LAMA5: variants seen among roughly 807,000 people sequenced by gnomAD.
The protein encoded by LAMA5 is laminin subunit alpha-5.
LAMA5 carries 260 observed loss-of-function variants against 433.4 expected under a neutral mutation model. The ratio of observed to expected loss-of-function variants is 0.60; its 90% CI spans 0.54 to 0.66. The LOEUF (loss-of-function observed/expected upper bound fraction) is 0.66. LAMA5 is among the 30% of genes least tolerant of loss of function. The pLI is 0.00. For missense variants in LAMA5, 5,378 were observed against 5,258.5 expected, an observed-to-expected ratio of 1.02 and a Z score of -0.70; for synonymous variants, 2,620 against 2,226.6, an observed-to-expected ratio of 1.18 and a Z score of -4.97.
intron 48 of LAMA5, among the ~76,000 whole-genome samples, chr20:62,321,240 T>G (rs1026765049): frequency 3.2e-4 from 1 of 3,164 alleles, no homozygotes. Context: ...GCGGGGCCTG[T>G]GGAGGGGTGG....
In LAMA5 at chr20:62,314,333, C is replaced by T. The variant is rs369329548; in HGVS notation, c.8475G>A (p.Gly2825=). 1 of 1,613,158 alleles carries T rather than the reference C, an allele frequency of 6.2e-7. No homozygotes were observed. The highest frequency in any genetic ancestry group is 8.5e-7 in the Non-Finnish European group (1 of 1,179,896). The part of the protein sequence containing the change: ...PAVLSIDEDI[G]EQFAAVSLDR... ...CCAGGCTGACAGCTGCGAACTGCTC[C>T]CCAATGTCCTCATCGATGCTTAGGA... The change falls in exon 62 of 80, where the codon GGG becomes GGA. Residue 2825 remains glycine (G), a synonymous_variant. Coordinates refer to ENST00000252999, the MANE Select transcript of LAMA5 (RefSeq NM_005560.6).
At chr20:62,343,293 C>T (rs1001012431) in intron 11 of LAMA5, among the ~76,000 whole-genome samples, 2 of 152,136 alleles carry the variant, frequency 1.3e-5, no homozygotes, top group Non-Finnish European at 2.9e-5. Context: ...AAAAAACCAT[C>T]ACAGAACCAG....
At chr20:62,326,376 G>A (rs768817893) in intron 40 of LAMA5, 3 of 315,276 alleles carry the variant, frequency 9.5e-6, no homozygotes, top group Non-Finnish European at 1.8e-5. Context: ...AAAGAGAAAT[G>A]GGCAAAAGAT....
At position 62,316,986 on chromosome 20, in the gene LAMA5, T is replaced by C; in HGVS notation, c.7549A>G (p.Arg2517Gly). Residue 2517 changes from arginine (R) to glycine (G), a missense_variant, in exon 56 of 80, where the codon AGG becomes GGG. Arg to Gly is a moderately radical substitution (Grantham distance 125). Transcript: ENST00000252999. ...TAGGCGTTGGAGGCCTCGATGGCCC[T>C]CTGGGTGAGGCGGTCCTGGTTGACG... ...LDVNQDRLTQRAIEASNAYSR... is the reference protein window; with the variant it reads ...LDVNQDRLTQGAIEASNAYSR... 1 of 1,557,316 alleles carries C rather than the reference T, an allele frequency of 6.4e-7. No homozygotes were observed. Among genetic ancestry groups the C allele is most frequent in the Admixed American group, 1.9e-5 (1 of 52,690 alleles).
chr20:62,319,985 A>G (rs992484309), intron 50 of LAMA5, among the ~76,000 whole-genome samples, 190 bp from the exon 51 acceptor site: 2 of 152,118 alleles, frequency 1.3e-5, no homozygotes, highest in African/African-American at 4.8e-5. Flanking sequence ...ATAACTTGCC[A>G]TTTGTTATTT....
At chr20:62,345,943 C>A (rs1421270494) in intron 10 of LAMA5, 66 bp from the exon 11 acceptor site, 5 of 1,559,034 alleles carry the variant, frequency 3.2e-6, no homozygotes, top group Non-Finnish European at 4.4e-6. Context: ...CACCCCCTGC[C>A]ACCCTTGGTC....
chr20:62,351,428 C>T (rs950441971), intron 6 of LAMA5, among the ~76,000 whole-genome samples: 27 of 152,282 alleles, frequency 1.8e-4, no homozygotes, highest in Admixed American at 1.2e-3. Context: ...CCTGGGGGTC[C>T]GGAGAGCCCC....
At chr20:62,332,093 C>G (rs571403986) in intron 28 of LAMA5, among the ~76,000 whole-genome samples, 4 of 152,132 alleles carry the variant, frequency 2.6e-5, no homozygotes, top group Non-Finnish European at 5.9e-5. Flanking sequence ...AACAGGCAAC[C>G]AACGCTGTCT....
Position 62,327,320 on chromosome 20 carries a change from A to G in LAMA5, c.5025T>C (p.Arg1675=). The G allele has an allele frequency of 6.2e-7, 1 of 1,601,244 alleles. No individual in the cohort carries two copies. Among genetic ancestry groups the G allele is most frequent in the South Asian group, 1.1e-5 (1 of 89,432 alleles). Residue 1675 remains arginine, a synonymous_variant, in exon 38 of 80, where the codon CGT becomes CGC. Coordinates refer to ENST00000252999, the MANE Select transcript of LAMA5 (RefSeq NM_005560.6). ...CCTCAGGCACGTGCCGCAGGTCTGC[A>G]CGGAGCATCTCCGTCCCTGGCTGCC... The part of the protein sequence containing the change: ...HERQPGTEML[R]ADLRHVPEAV...
chr20:62,338,179 G>A (rs188060317), intron 13 of LAMA5, 29 bp from the exon 14 acceptor site: 5 of 1,568,922 alleles, frequency 3.2e-6, no homozygotes, highest in African/African-American at 2.7e-5. Flanking sequence ...GTCACGGTAG[G>A]CCAGGCCCAC....
intron 11 of LAMA5, among the ~76,000 whole-genome samples, chr20:62,344,143 T>TCA (rs1412529261): frequency 3.8e-5 from 1 of 26,090 alleles, no homozygotes; most frequent in African/African-American, 8.8e-5. Context: ...AAACTCCATC[T>TCA]CAAAAAAAAA....
Position 62,324,935 on chromosome 20 carries a change from C to T in LAMA5, c.5529+381G>A, listed in dbSNP as rs978921943. On this transcript the variant is annotated intron_variant, in intron 41 of 79. Coordinates refer to ENST00000252999, the MANE Select transcript of LAMA5 (RefSeq NM_005560.6). This position sits in a 1 kb window ranked among gnomAD's most constrained non-coding sequence, Gnocchi z 4.4. ...AAGTTACAGCAGACAGACAGATTAG[C>T]AGGGCAGATTAGCAGCTGGACAGAC... is the stretch of plus-strand genomic sequence containing the variant. The T allele has an allele frequency of 7.8e-5, 30 of 383,790 alleles. No individual in the cohort carries two copies. The highest frequency in any genetic ancestry group is 2.5e-4 in the Admixed American group (6 of 24,036). The allele number at this position is 383,790 out of a possible 1,614,324, so 23.8% of individuals were successfully genotyped here.
At position 62,313,248 on chromosome 20, in the gene LAMA5, G is replaced by C; in HGVS notation, c.8795C>G (p.Ser2932Cys). The change falls in exon 65 of 80, where the codon TCC becomes TGC. Residue 2932 changes from serine to cysteine, a missense_variant and splice_region_variant. Transcript: ENST00000252999. ...DTAVDRPCAR[S>C]KSTGDPWLTD... is the part of the protein sequence containing the mutation. ...GAGCCACGGGTCCCCGGTCGACTTG[G>C]AGCTGCAGGTCGGAGATTCTGGGGT... 6.5e-7 allele frequency: 1 copy of C among 1,541,162 alleles called. No individual in the cohort carries two copies. The highest frequency in any genetic ancestry group is 8.7e-7 in the Non-Finnish European group (1 of 1,145,526).
At chr20:62,344,358 A>G (rs1234451177) in intron 11 of LAMA5, among the ~76,000 whole-genome samples, 1 of 152,044 alleles carries the variant, frequency 6.6e-6, no homozygotes, top group East Asian at 1.9e-4. Context: ...TTTTTTGTCT[A>G]TCAAGCCAAG....
Position 62,310,080 on chromosome 20 carries a change from A to G in LAMA5, c.10736T>C (p.Val3579Ala). Residue 3579 changes from valine (V) to alanine (A), a missense_variant and splice_region_variant, in exon 78 of 80, where the codon GTC becomes GCC. Coordinates refer to ENST00000252999, the MANE Select transcript of LAMA5 (RefSeq NM_005560.6). ...TGCTCCGTCATCCGCCCGCAGCAGG[A>G]CCTGGCGGGGTAGGAAGGGAGGGTC... is the stretch of plus-strand genomic sequence containing the variant. ...YLQLQVTEKQ[V>A]LLRADDGAGE... 1 of 1,610,452 alleles carries G rather than the reference A, an allele frequency of 6.2e-7. No homozygotes were observed. Among genetic ancestry groups the G allele is most frequent in the Non-Finnish European group, 8.5e-7 (1 of 1,179,314 alleles).
At chr20:62,333,841 G>GGTGGC in intron 23 of LAMA5, 60 bp downstream of exon 23, 1 of 1,457,100 alleles carries the variant, frequency 6.9e-7, no homozygotes, top group Non-Finnish European at 9.3e-7. Flanking sequence ...TTGGGAGTGG[G>GGTGGC]GTGGGGTGGG....
Position 62,312,229 on chromosome 20 carries a change from C to T in LAMA5, c.9448G>A (p.Gly3150Ser), listed in dbSNP as rs559318635. 399 of 1,610,644 alleles carry T rather than the reference C, an allele frequency of 2.5e-4. 7 individuals are homozygous for T. The South Asian group carries it at 3.3e-3, about 13-fold the overall frequency. The change falls in exon 69 of 80, where the codon GGC becomes AGC. Residue 3150 changes from glycine to serine, a missense_variant. Transcript: ENST00000252999. ...VAPLTGNVYS[G>S]FGFHSAQDSA... ...TCCTGGGCGCTGTGGAAGCCGAAGC[C>T]GGAGTAGACGTTGCCAGTGAGCGGT...
Position 62,323,577 on chromosome 20 carries a change from G to A in LAMA5, c.5943C>T (p.Phe1981=). ...CGCCCGTCAGGGGGTCGCAGTCGCT[G>A]AAGAGCAAGTTGGGGTCACCGTTGC... The part of the protein sequence containing the change: ...CSGNGDPNLL[F]SDCDPLTGAC... The change falls in exon 45 of 80, where the codon TTC becomes TTT. Residue 1981 remains phenylalanine (F), a synonymous_variant. Coordinates refer to ENST00000252999, the MANE Select transcript of LAMA5 (RefSeq NM_005560.6). 3 of 1,608,646 alleles carry A rather than the reference G, an allele frequency of 1.9e-6. No homozygotes were observed. Among genetic ancestry groups the A allele is most frequent in the Non-Finnish European group, 2.5e-6 (3 of 1,178,648 alleles).
rs1299640415 is a variant in LAMA5 at position 62,316,696 on chromosome 20, G to A, written c.7731C>T (p.Leu2577=). ...CAAGGCCCAGCCTCTGCTGTTCCTG[G>A]AGCATGGCCTCTTCTAGTGCAGTGC... The part of the protein sequence containing the change: ...ANSTALEEAM[L]QEQQRLGLVW... Residue 2577 remains leucine, a synonymous_variant, in exon 57 of 80, where the codon CTC becomes CTT. Transcript: ENST00000252999. 2.5e-6 allele frequency: 4 copies of A among 1,606,822 alleles called. No individual in the cohort carries two copies. The highest frequency in any genetic ancestry group is 3.4e-6 in the Non-Finnish European group (4 of 1,176,162).
Sources: allele counts gnomAD v4.1 joint callset (sites outside exome capture counted in the v4.1 genomes callset), GRCh38; gene constraint gnomAD v4.1.1; non-coding constraint Gnocchi (gnomAD v3.1); transcripts MANE v1.5; gene names NCBI Gene and HGNC (gene_info 2026-07-23, HGNC 2026-07-21).